Variants in PCNX4 observed in about 807,000 individuals in gnomAD.
The protein encoded by PCNX4 is pecanex-like protein 4.
Under a neutral mutation model 107.2 loss-of-function variants are expected in PCNX4, and 103 were observed. The observed-to-expected ratio is 0.96, with a 90% CI of 0.82 to 1.13. PCNX4 has a LOEUF of 1.13. PCNX4 is among the 50% of genes most tolerant of loss of function. The probability of loss-of-function intolerance (pLI) is 0.00; values close to 1 mark genes in which losing one functional copy is unlikely to be tolerated. For synonymous variants in PCNX4, 541 were observed against 481.7 expected (o/e 1.12, Z -1.61); for missense variants, 1,528 against 1,379.4 (o/e 1.11, Z -1.71).
chr14:60,115,073 C>T lies in PCNX4; in HGVS notation c.969C>T (p.Phe323=). The part of the protein sequence containing the change: ...GVVLFMTGFG[F]LLSLNLSDMG... ...TTCTTTTCATGACTGGATTTGGTTTCTTGCTGAGTCTGAACTTAAGTGATA... is the reference window on the plus strand; with the variant it reads ...TTCTTTTCATGACTGGATTTGGTTTTTTGCTGAGTCTGAACTTAAGTGATA... Residue 323 remains phenylalanine (F), a synonymous_variant, in exon 4 of 11, where the codon TTC becomes TTT. Transcript: ENST00000406854. 6.2e-7 allele frequency: 1 copy of T among 1,613,520 alleles called. No homozygotes were observed. The highest frequency in any genetic ancestry group is 8.5e-7 in the Non-Finnish European group (1 of 1,179,820).
At chr14:60,121,382 A>G (rs1465642937) in intron 8 of PCNX4, 83 bp downstream of exon 8, 71 of 1,364,026 alleles carry the variant, frequency 5.2e-5, no homozygotes, top group Non-Finnish European at 6.5e-5. Flanking sequence ...CAAACACTCA[A>G]TTTGAAAGAA....
Position 60,135,941 on chromosome 14 carries a change from T to C in PCNX4, c.*1720T>C, listed in dbSNP as rs1415754621. On this transcript the variant is annotated 3_prime_UTR_variant, in exon 11 of 11. Transcript: ENST00000406854. Reference sequence around the variant, plus strand: ...CCCAAATAATGTGAATTTTAAGTTGTTTAGAGATTTTCACTGTGATAATAA... The same window carrying C: ...CCCAAATAATGTGAATTTTAAGTTGCTTAGAGATTTTCACTGTGATAATAA... 4 of 152,192 alleles carry C rather than the reference T, an allele frequency of 2.6e-5. No individual in the cohort carries two copies. Among genetic ancestry groups the C allele is most frequent in the African/African-American group, 9.7e-5 (4 of 41,444 alleles). The allele number at this position is 152,192 out of a possible 1,614,324, so 9.4% of individuals were successfully genotyped here. A position where few individuals can be genotyped will look rare whatever the true frequency, so the allele number is the denominator to read the frequency against.
In PCNX4 at chr14:60,144,675, G is replaced by A. The variant is rs381237; in HGVS notation, c.*10454G>A. The A allele has an allele frequency of 0.21, 56,347 of 266,502 alleles. 8,883 individuals are homozygous for A. The highest frequency in any genetic ancestry group is 0.51 in the African/African-American group (22,314 of 43,500). The allele number at this position is 266,502 out of a possible 1,614,324, so 16.5% of individuals were successfully genotyped here. A position where few individuals can be genotyped will look rare whatever the true frequency, so the allele number is the denominator to read the frequency against. Reference sequence around the variant, plus strand: ...AAATCTGTGGTATTTTGTTATAGCAGCACAAATGGACTAAGACAAATCTGT... The same window carrying A: ...AAATCTGTGGTATTTTGTTATAGCAACACAAATGGACTAAGACAAATCTGT... On this transcript the variant is annotated 3_prime_UTR_variant, in exon 11 of 11. Transcript: ENST00000406854.
chr14:60,123,569 A>ATT (rs1895993712), intron 8 of PCNX4, among the ~76,000 whole-genome samples: 1 of 152,154 alleles, frequency 6.6e-6, no homozygotes, highest in Non-Finnish European at 1.5e-5. Flanking sequence ...TTTTCAAGTG[A>ATT]TTCCTTCTAA....
At chr14:60,100,867 G>C (rs566201449) in intron 1 of PCNX4, among the ~76,000 whole-genome samples, 3 of 152,268 alleles carry the variant, frequency 2.0e-5, no homozygotes, top group East Asian at 3.9e-4. Flanking sequence ...AAAGTCTCTT[G>C]TGGGAAAAAT....
In PCNX4 at chr14:60,124,465, T is replaced by C; in HGVS notation, c.2294T>C (p.Val765Ala). The C allele has an allele frequency of 1.2e-6, 2 of 1,613,746 alleles. No individual in the cohort carries two copies. Among genetic ancestry groups the C allele is most frequent in the African/African-American group, 1.3e-5 (1 of 75,020 alleles). ...EFKGDLIKVL[V>A]WILVQYCSKR... The stretch of plus-strand genomic sequence containing the variant: ...AAAGGTGACCTCATTAAAGTACTTG[T>C]GTGGATACTTGTTCAATACTGCTCC... Residue 765 changes from valine to alanine, a missense_variant, in exon 9 of 11, where the codon GTG (valine) becomes GCG (alanine). Coordinates refer to ENST00000406854, the MANE Select transcript of PCNX4 (RefSeq NM_001330177.2).
At position 60,145,105 on chromosome 14, in the gene PCNX4, CATT is replaced by C. The variant is rs1896365613; in HGVS notation, c.*10887_*10889del. 1 of 813,012 alleles carries C rather than the reference CATT, an allele frequency of 1.2e-6. No individual in the cohort carries two copies. Among genetic ancestry groups the C allele is most frequent in the Non-Finnish European group, 1.8e-6 (1 of 542,748 alleles). The allele number at this position is 813,012 out of a possible 1,614,324, so 50.4% of individuals were successfully genotyped here. A position where few individuals can be genotyped will look rare whatever the true frequency, so the allele number is the denominator to read the frequency against. ...GTCCTTCTGTTTTGAGGAGCTGTAT[CATT>C]ATGATTCACTATTAAGAATCTTTAC... On this transcript the variant is annotated 3_prime_UTR_variant, in exon 11 of 11. Transcript: ENST00000406854. This position sits in a 1 kb window ranked among gnomAD's most constrained non-coding sequence, Gnocchi z 4.0.
rs571306794 is a variant in PCNX4 at position 60,125,609 on chromosome 14, A to C, written c.3081-28A>C. ...TTTAAAGTTGACAGCAAATATTCTAAAATTCTTCGGTTCTCCATTTTTTTT... is the reference window on the plus strand; with the variant it reads ...TTTAAAGTTGACAGCAAATATTCTACAATTCTTCGGTTCTCCATTTTTTTT... On this transcript the variant is annotated intron_variant, in intron 9 of 10. Coordinates refer to ENST00000406854, the MANE Select transcript of PCNX4 (RefSeq NM_001330177.2). The C allele has an allele frequency of 2.4e-5, 33 of 1,400,134 alleles. 1 individual carries two copies. The African/African-American group carries it at 4.6e-4, about 20-fold the overall frequency. 86.7% of individuals were successfully genotyped at this position (1,400,134 alleles called of 1,614,324 possible). A position where few individuals can be genotyped will look rare whatever the true frequency, so the allele number is the denominator to read the frequency against.
rs308990 is a variant in PCNX4, at chr14:60,125,111, T to C, written c.2940T>C (p.Phe980=). The C allele has an allele frequency of 0.16, 259,089 of 1,612,552 alleles. 28,372 individuals carry two copies. The highest frequency in any genetic ancestry group is 0.51 in the African/African-American group (38,050 of 74,906). Reference sequence around the variant, plus strand: ...TTCATACAGTAATGACTTGTTATTTTAGTTTATTTGGAATAGACAATATGG... The same window carrying C: ...TTCATACAGTAATGACTTGTTATTTCAGTTTATTTGGAATAGACAATATGG... ...FYVHTVMTCY[F]SLFGIDNMAP... The change falls in exon 9 of 11, where the codon TTT becomes TTC. Residue 980 remains phenylalanine, a synonymous_variant. Transcript: ENST00000406854.
At position 60,139,942 on chromosome 14, in the gene PCNX4, A is replaced by G. The variant is rs917912168; in HGVS notation, c.*5721A>G. ...TGCTTAGAAGGAAATTTATAGTCTT[A>G]AACGCACATTAAAAAAAAAAGATTG... On this transcript the variant is annotated 3_prime_UTR_variant, in exon 11 of 11. Transcript: ENST00000406854. The G allele has an allele frequency of 2.1e-5, 3 of 143,352 alleles. No homozygotes were observed. Among genetic ancestry groups the G allele is most frequent in the African/African-American group, 8.5e-5 (3 of 35,406 alleles). The allele number at this position is 143,352 out of a possible 1,614,324, so 8.9% of individuals were successfully genotyped here. A position where few individuals can be genotyped will look rare whatever the true frequency, so the allele number is the denominator to read the frequency against.
chr14:60,130,896 G>A (rs952677973), intron 10 of PCNX4, among the ~76,000 whole-genome samples: 1 of 152,132 alleles, frequency 6.6e-6, no homozygotes, highest in Admixed American at 6.5e-5. Flanking sequence ...GAAGTCAGGA[G>A]TTTGAGACCA....
At chr14:60,110,434 C>T (rs895856392) in intron 2 of PCNX4, 6 of 167,302 alleles carry the variant, frequency 3.6e-5, no homozygotes, top group Non-Finnish European at 5.9e-5. Flanking sequence ...CTGGCGGTGA[C>T]CTGCCACCCC....
chr14:60,095,439 C>T (rs543478784), intron 1 of PCNX4, among the ~76,000 whole-genome samples: 3 of 152,182 alleles, frequency 2.0e-5, no homozygotes, highest in African/African-American at 7.2e-5. Context: ...CTGGGAATTT[C>T]CCTGTGGGCA....
In PCNX4 at chr14:60,136,566, G is replaced by C. The variant is rs183056930; in HGVS notation, c.*2345G>C. On this transcript the variant is annotated 3_prime_UTR_variant, in exon 11 of 11. Transcript: ENST00000406854. ...GGTGAGAGTTAAAGAAAGACACACA[G>C]AGGGCAGCTTGACAGCAAATGCAGA... 4.5e-4 allele frequency: 68 copies of C among 152,532 alleles called. No homozygotes were observed. The highest frequency in any genetic ancestry group is 1.5e-3 in the African/African-American group (61 of 41,552). The allele number at this position is 152,532 out of a possible 1,614,324, so 9.4% of individuals were successfully genotyped here. A position where few individuals can be genotyped will look rare whatever the true frequency, so the allele number is the denominator to read the frequency against.
chr14:60,121,058 G>T, intron 7 of PCNX4, 138 bp from the exon 8 acceptor site: 1 of 1,079,814 alleles, frequency 9.3e-7, no homozygotes, highest in Non-Finnish European at 1.3e-6. Context: ...AGTTATTTCT[G>T]TTCTTGACCT....
rs202146074 is a variant in PCNX4 at position 60,103,708 on chromosome 14, C to CT, written c.-53-3875dup. On this transcript the variant is annotated intron_variant, in intron 1 of 10. Transcript: ENST00000406854. Reference sequence around the variant, plus strand: ...CTTTCTCAGTATGAACTAGTTCCTGCTTTGCTGATGATGGAGATTAAAGCA... The same window carrying CT: ...CTTTCTCAGTATGAACTAGTTCCTGCTTTTGCTGATGATGGAGATTAAAGCA... 2.9e-3 allele frequency among the ~76,000 whole-genome samples: 448 copies of CT among 152,282 alleles called. 3 individuals carry two copies. Among genetic ancestry groups the CT allele is most frequent in the Non-Finnish European group, 4.7e-3 (323 of 68,032 alleles).
chr14:60,145,264 T>A lies in PCNX4; in HGVS notation c.*11043T>A. On this transcript the variant is annotated 3_prime_UTR_variant, in exon 11 of 11. Transcript: ENST00000406854. This position sits in a 1 kb window ranked among gnomAD's most constrained non-coding sequence, Gnocchi z 4.0. ...AGGTATAAATAGCATTGGACTGCAA[T>A]GCTAAATTCTCTATAATGACTTTTC... is the stretch of plus-strand genomic sequence containing the variant. 3.2e-6 allele frequency: 1 copy of A among 311,172 alleles called. No individual in the cohort carries two copies. The highest frequency in any genetic ancestry group is 5.8e-6 in the Non-Finnish European group (1 of 173,264). 19.3% of individuals were successfully genotyped at this position (311,172 alleles called of 1,614,324 possible).
chr14:60,118,391 G>T lies in PCNX4; in HGVS notation c.1641G>T (p.Val547=). The T allele has an allele frequency of 6.2e-7, 1 of 1,613,340 alleles. No individual in the cohort carries two copies. The highest frequency in any genetic ancestry group is 8.5e-7 in the Non-Finnish European group (1 of 1,179,626). Residue 547 remains valine, a synonymous_variant, in exon 7 of 11, where the codon GTG becomes GTT. Coordinates refer to ENST00000406854, the MANE Select transcript of PCNX4 (RefSeq NM_001330177.2). ...FISKLQFAVT[V]LLTSWTEKKQ... Reference sequence around the variant, plus strand: ...CTAAATTGCAGTTTGCCGTGACTGTGCTTTTGACATCATGGACAGAGAAAA... The same window carrying T: ...CTAAATTGCAGTTTGCCGTGACTGTTCTTTTGACATCATGGACAGAGAAAA...
chr14:60,098,407 T>C (rs1895467477), intron 1 of PCNX4, among the ~76,000 whole-genome samples: 1 of 152,224 alleles, frequency 6.6e-6, no homozygotes, highest in Non-Finnish European at 1.5e-5. Context: ...AGCCACTTTG[T>C]ATTTCTTTCC....
Sources: gnomAD v4.1 joint callset for allele counts (sites outside exome capture counted in the v4.1 genomes callset) on GRCh38, gnomAD v4.1.1 for gene constraint, Gnocchi (gnomAD v3.1) non-coding constraint, MANE v1.5 for transcripts, NCBI Gene and HGNC (gene_info 2026-07-23, HGNC 2026-07-21) for gene names.